Variants in CLEC16A observed in about 807,000 individuals in gnomAD.
The protein encoded by CLEC16A is protein CLEC16A.
In CLEC16A, 51 loss-of-function variants were observed where a neutral mutation model predicts 109.5. The observed-to-expected ratio is 0.47, with a 90% confidence interval of 0.37 to 0.59. CLEC16A has a LOEUF of 0.59. CLEC16A is among the 20% of genes least tolerant of loss of function. The pLI, the probability that CLEC16A is intolerant of heterozygous loss-of-function variation, is 0.00. For synonymous variants in CLEC16A, 673 were observed against 564.2 expected, an observed-to-expected ratio of 1.19 and a Z score of -2.73; for missense variants, 1,339 against 1,394.0, an observed-to-expected ratio of 0.96 and a Z score of 0.63.
Position 11,020,740 on chromosome 16 carries a change from A to G in CLEC16A, c.1436+415A>G, listed in dbSNP as rs546452744. Among the ~76,000 whole-genome samples, 4 of 152,356 alleles carry G rather than the reference A, an allele frequency of 2.6e-5. No individual in the cohort carries two copies. The East Asian group carries it at 5.8e-4, about 22-fold the overall frequency. ...GCACACACAAACACATACCCCATCT[A>G]TAGGGCCTGCCCTCTTGACTTGGCC... is the stretch of plus-strand genomic sequence containing the variant. On this transcript the variant is annotated intron_variant, in intron 12 of 23. Transcript: ENST00000409790.
At chr16:11,119,443 C>T (rs933616899) in intron 19 of CLEC16A, among the ~76,000 whole-genome samples, 1 of 152,232 alleles carries the variant, frequency 6.6e-6, no homozygotes, top group Non-Finnish European at 1.5e-5. Flanking sequence ...GGCTGGAGTG[C>T]AGTGGCATGA....
intron 22 of CLEC16A, among the ~76,000 whole-genome samples, chr16:11,135,494 C>A (rs932521977): frequency 6.6e-6 from 1 of 152,212 alleles, no homozygotes; most frequent in Non-Finnish European, 1.5e-5. Context: ...TGCCCAGATG[C>A]TTTTCTGGGA....
At chr16:10,968,680 G>A (rs1163819888) in intron 3 of CLEC16A, among the ~76,000 whole-genome samples, 1 of 152,184 alleles carries the variant, frequency 6.6e-6, no homozygotes, top group Non-Finnish European at 1.5e-5. Flanking sequence ...CCGGCATGTA[G>A]TAGGGATTCA....
intron 21 of CLEC16A, among the ~76,000 whole-genome samples, chr16:11,125,407 C>T (rs566486070): frequency 6.6e-6 from 1 of 151,922 alleles, no homozygotes; most frequent in South Asian, 2.1e-4. Context: ...AGAACTAAAG[C>T]CTTGGGTATT....
At chr16:11,013,907 C>G (rs1256016835) in intron 11 of CLEC16A, among the ~76,000 whole-genome samples, 3 of 152,058 alleles carry the variant, frequency 2.0e-5, no homozygotes, top group Admixed American at 6.5e-5. Flanking sequence ...CCACTGCACT[C>G]CAGCCTGGGC....
chr16:11,145,723 C>T (rs1378444830), intron 22 of CLEC16A, among the ~76,000 whole-genome samples: 2 of 152,272 alleles, frequency 1.3e-5, no homozygotes, highest in Non-Finnish European at 2.9e-5. Context: ...TGACTCCTGA[C>T]CTTGGCCAAG....
chr16:11,113,556 G>T (rs946402116), intron 19 of CLEC16A, among the ~76,000 whole-genome samples: 11 of 152,240 alleles, frequency 7.2e-5, no homozygotes, highest in Admixed American at 4.6e-4. Flanking sequence ...TAACTTGGGA[G>T]CCTGAGGTGA....
At chr16:11,003,688 G>T (rs529135509) in intron 11 of CLEC16A, among the ~76,000 whole-genome samples, 1 of 152,186 alleles carries the variant, frequency 6.6e-6, no homozygotes, top group Non-Finnish European at 1.5e-5. Context: ...CTTCGATGCT[G>T]CAGAAGTGTT....
chr16:10,962,687 C>T, intron 3 of CLEC16A, 99 bp downstream of exon 3: 1 of 1,295,526 alleles, frequency 7.7e-7, no homozygotes, highest in South Asian at 1.3e-5. Flanking sequence ...TTCGTCGGCT[C>T]AGGCTATCCT....
At chr16:11,070,710 G>C (rs7200940) in intron 19 of CLEC16A, 98,989 of 152,022 alleles carry the variant, frequency 0.65, 32,356 homozygotes, top group East Asian at 0.78. Context: ...GGCTTATTAT[G>C]TGACACCACC....
chr16:11,135,712 C>G (rs761952847), intron 22 of CLEC16A, among the ~76,000 whole-genome samples: 30 of 152,370 alleles, frequency 2.0e-4, no homozygotes, highest in Admixed American at 5.2e-4. Flanking sequence ...CATATGCAAT[C>G]TGCCATTTGA....
At chr16:11,082,734 C>T (rs748937991) in intron 19 of CLEC16A, among the ~76,000 whole-genome samples, 7 of 152,220 alleles carry the variant, frequency 4.6e-5, no homozygotes, top group South Asian at 4.1e-4. Context: ...AGGCCTAAGA[C>T]TCACAGCTGG....
intron 22 of CLEC16A, among the ~76,000 whole-genome samples, chr16:11,137,089 G>T (rs189771775): frequency 3.8e-4 from 58 of 152,332 alleles, no homozygotes; most frequent in Admixed American, 7.8e-4. Context: ...GAGTACAGAA[G>T]TCATCAGAGA....
intron 13 of CLEC16A, among the ~76,000 whole-genome samples, chr16:11,028,767 C>G (rs916288796): frequency 6.6e-6 from 1 of 152,194 alleles, no homozygotes; most frequent in Non-Finnish European, 1.5e-5. Context: ...ATCCCTCAGG[C>G]TATTCCCTTT....
Position 11,051,548 on chromosome 16 carries a change from C to T in CLEC16A, c.1902C>T (p.Asp634=), listed in dbSNP as rs548983149. 31 of 1,613,794 alleles carry T rather than the reference C, an allele frequency of 1.9e-5. No homozygotes were observed. Among genetic ancestry groups the T allele is most frequent in the Middle Eastern group, 3.3e-4 (2 of 6,084 alleles). Reference sequence around the variant, plus strand: ...TGAACGTGGAATATCTCATGATGGACGCCTCCATCCTGCTGCCCCCAACAG... The same window carrying T: ...TGAACGTGGAATATCTCATGATGGATGCCTCCATCCTGCTGCCCCCAACAG... ...KPMNVEYLMM[D]ASILLPPTGT... is the part of the protein sequence containing the mutation. The change falls in exon 18 of 24, where the codon GAC becomes GAT. Residue 634 remains aspartate (D), a synonymous_variant. Coordinates refer to ENST00000409790, the MANE Select transcript of CLEC16A (RefSeq NM_015226.3).
At chr16:11,137,529 G>C (rs1353702707) in intron 22 of CLEC16A, among the ~76,000 whole-genome samples, 1 of 148,664 alleles carries the variant, frequency 6.7e-6, no homozygotes, top group East Asian at 2.0e-4. Context: ...GCCGAGGCGA[G>C]TGGATCACCT....
chr16:10,971,547 A>C, intron 5 of CLEC16A: 1 of 983,426 alleles, frequency 1.0e-6, no homozygotes, highest in South Asian at 4.7e-5. Flanking sequence ...TTAATGTGTC[A>C]TTTAAATTTT....
Position 11,011,767 on chromosome 16 carries a change from C to T in CLEC16A, c.1304-8426C>T, listed in dbSNP as rs562840623. 7.2e-5 allele frequency among the ~76,000 whole-genome samples: 11 copies of T among 152,208 alleles called. No individual in the cohort carries two copies. In the South Asian group the frequency reaches 1.9e-3, roughly 26 times the overall value. On this transcript the variant is annotated intron_variant, in intron 11 of 23. Transcript: ENST00000409790. The stretch of plus-strand genomic sequence containing the variant: ...ATATACATACATATAAGCATGCGTA[C>T]ACACACGTATTTTAGAAATCATATG...
At chr16:11,047,044 G>A (rs1166607264) in intron 16 of CLEC16A, among the ~76,000 whole-genome samples, 1 of 151,926 alleles carries the variant, frequency 6.6e-6, no homozygotes, top group African/African-American at 2.4e-5. Flanking sequence ...TGCTTTGACA[G>A]AAGAATTCTA....
Sources: allele counts gnomAD v4.1 joint callset (sites outside exome capture counted in the v4.1 genomes callset), GRCh38; gene constraint gnomAD v4.1.1; transcripts MANE v1.5; gene names NCBI Gene and HGNC (gene_info 2026-07-23, HGNC 2026-07-21).